UBAC2: variants seen among roughly 807,000 people sequenced by gnomAD.
UBAC2 encodes UBA domain containing 2.
Under a neutral mutation model 44.0 loss-of-function variants are expected in UBAC2, and 26 were observed. The observed-to-expected ratio is 0.59, with a 90% CI of 0.43 to 0.82. The LOEUF is 0.82. Ranked by LOEUF, UBAC2 falls within the 40% of genes least tolerant of loss-of-function variation. The pLI is 0.00. For missense variants in UBAC2, 329 were observed against 419.4 expected (o/e 0.78, Z 1.88); for synonymous variants, 155 against 154.3 (o/e 1.00, Z -0.04).
intron 4 of UBAC2, among the ~76,000 whole-genome samples, chr13:99,259,949 C>T (rs894782092): frequency 6.6e-6 from 1 of 152,202 alleles, no homozygotes; most frequent in African/African-American, 2.4e-5. Context: ...CACCTGAGGG[C>T]TCTCCATAGG....
intron 1 of UBAC2, among the ~76,000 whole-genome samples, chr13:99,210,705 G>T (rs970043324): frequency 2.6e-5 from 4 of 152,066 alleles, no homozygotes; most frequent in Admixed American, 2.6e-4. Context: ...TCAAACTCCC[G>T]ACCTCTGGTG....
In UBAC2 at chr13:99,281,468, A is replaced by G. The variant is rs184393678; in HGVS notation, c.390-32629A>G. Reference sequence around the variant, plus strand: ...TGTGTCCGGCATTGTACTTGGTACTATGTCACCTTGGTAGTCAGCAAGCAC... The same window carrying G: ...TGTGTCCGGCATTGTACTTGGTACTGTGTCACCTTGGTAGTCAGCAAGCAC... On this transcript the variant is annotated intron_variant, in intron 4 of 8. Transcript: ENST00000403766. 1.1e-3 allele frequency among the ~76,000 whole-genome samples: 172 copies of G among 152,246 alleles called. 3 individuals carry two copies. In the Middle Eastern group the frequency reaches 0.014, roughly 12 times the overall value.
At chr13:99,246,362 T>C (rs1444632876) in intron 4 of UBAC2, among the ~76,000 whole-genome samples, 1 of 152,232 alleles carries the variant, frequency 6.6e-6, no homozygotes, top group Non-Finnish European at 1.5e-5. Flanking sequence ...ATTCTGTTAT[T>C]GGGGAAAATA....
chr13:99,255,459 G>A (rs374299759), intron 4 of UBAC2: 14 of 1,613,974 alleles, frequency 8.7e-6, no homozygotes, highest in Non-Finnish European at 1.1e-5. Flanking sequence ...ACGCCAGCAC[G>A]GCTTTGCACG....
At chr13:99,252,358 C>T (rs1200116444) in intron 4 of UBAC2, among the ~76,000 whole-genome samples, 1 of 152,218 alleles carries the variant, frequency 6.6e-6, no homozygotes, top group Non-Finnish European at 1.5e-5. Context: ...GTACTCTTTG[C>T]CCTACATTTA....
chr13:99,208,145 GTA>G (rs2042896187), intron 1 of UBAC2, among the ~76,000 whole-genome samples: 1 of 152,106 alleles, frequency 6.6e-6, no homozygotes. Context: ...TTACAGGCGT[GTA>G]CCACCACGCC....
intron 6 of UBAC2, among the ~76,000 whole-genome samples, chr13:99,327,480 C>T (rs4771327): frequency 0.082 from 12,409 of 150,480 alleles, 639 homozygotes; most frequent in Middle Eastern, 0.14. Flanking sequence ...TTTTCTCTCT[C>T]TCTCTGTGTG....
At chr13:99,363,726 A>G (rs563468282) in intron 7 of UBAC2, among the ~76,000 whole-genome samples, 1 of 152,388 alleles carries the variant, frequency 6.6e-6, no homozygotes, top group South Asian at 2.1e-4. Flanking sequence ...ACACGTATAT[A>G]CACACCCAAG....
chr13:99,328,139 G>T (rs1262184999), intron 6 of UBAC2, among the ~76,000 whole-genome samples: 1 of 152,160 alleles, frequency 6.6e-6, no homozygotes, highest in Non-Finnish European at 1.5e-5. Flanking sequence ...ACTTGAACAT[G>T]AAAATTTCAC....
intron 6 of UBAC2, among the ~76,000 whole-genome samples, chr13:99,327,248 T>C (rs1377418694): frequency 6.6e-6 from 1 of 152,190 alleles, no homozygotes; most frequent in Non-Finnish European, 1.5e-5. Flanking sequence ...TAGGCTGGTA[T>C]AGTAGTGTTA....
chr13:99,286,539 C>T (rs1412022865), intron 4 of UBAC2, among the ~76,000 whole-genome samples: 3 of 151,548 alleles, frequency 2.0e-5, no homozygotes. Flanking sequence ...GGTACATATG[C>T]AGGTTTATTA....
rs1395084115 is a variant in UBAC2, at chr13:99,367,008, TAATA to T, written c.808-775_808-772del. On this transcript the variant is annotated intron_variant, in intron 7 of 8. Coordinates refer to ENST00000403766, the MANE Select transcript of UBAC2 (RefSeq NM_001144072.2). ...GACTTCTAGAAATAGAGATTTAAAT[TAATA>T]AATTCAAAGATTGCCATATAGCTAG... 2.0e-5 allele frequency among the ~76,000 whole-genome samples: 3 copies of T among 152,252 alleles called. No individual in the cohort carries two copies. In the East Asian group the frequency reaches 5.8e-4, roughly 29 times the overall value.
chr13:99,301,828 T>A (rs2044261290), intron 4 of UBAC2, among the ~76,000 whole-genome samples: 2 of 152,222 alleles, frequency 1.3e-5, no homozygotes, highest in South Asian at 4.1e-4. Flanking sequence ...GAACAAAACC[T>A]TTACCATATT....
chr13:99,255,285 GA>G (rs748201402), intron 4 of UBAC2: 30 of 1,613,786 alleles, frequency 1.9e-5, no homozygotes, highest in Non-Finnish European at 2.5e-5. Flanking sequence ...AAGGAATCAA[GA>G]AAAAAAATGT....
chr13:99,226,571 T>G (rs973430113), intron 1 of UBAC2, among the ~76,000 whole-genome samples: 1 of 152,206 alleles, frequency 6.6e-6, no homozygotes, highest in African/African-American at 2.4e-5. Flanking sequence ...AATCATGTTA[T>G]TCCTCTACTT....
chr13:99,315,773 A>T (rs1293284163), intron 5 of UBAC2, among the ~76,000 whole-genome samples: 1 of 151,954 alleles, frequency 6.6e-6, no homozygotes, highest in East Asian at 1.9e-4. Flanking sequence ...TATAGCTACC[A>T]CTATTCATTT....
chr13:99,216,281 T>C (rs1278503922), intron 1 of UBAC2, among the ~76,000 whole-genome samples: 3 of 152,108 alleles, frequency 2.0e-5, no homozygotes, highest in Non-Finnish European at 4.4e-5. Context: ...ATTTTTGTAT[T>C]TTTAGTAGAA....
chr13:99,283,341 G>C (rs1014691476), intron 4 of UBAC2, among the ~76,000 whole-genome samples: 4 of 152,116 alleles, frequency 2.6e-5, no homozygotes, highest in African/African-American at 9.7e-5. Context: ...GTTAATATCA[G>C]TGACAATATG....
chr13:99,240,879 A>G (rs897990582), intron 2 of UBAC2, among the ~76,000 whole-genome samples: 1 of 152,220 alleles, frequency 6.6e-6, no homozygotes, highest in African/African-American at 2.4e-5. Context: ...TGATATGCTC[A>G]GACTTCTCAT....
Sources: gnomAD v4.1 joint callset for allele counts (sites outside exome capture counted in the v4.1 genomes callset) on GRCh38, gnomAD v4.1.1 for gene constraint, MANE v1.5 for transcripts, NCBI Gene and HGNC (gene_info 2026-07-23, HGNC 2026-07-21) for gene names.